The following SPRED1 variants were observed in gnomAD, a reference collection of about 807,000 sequenced individuals.
SPRED1 encodes the protein sprouty related EVH1 domain containing 1, also known as sprouty-related, EVH1 domain-containing protein 1.
SPRED1 carries 18 observed loss-of-function variants against 52.3 expected under a neutral mutation model. The observed-to-expected ratio is 0.34, with a 90% CI of 0.24 to 0.51. The LOEUF (loss-of-function observed/expected upper bound fraction) is 0.51, where lower values mean the gene tolerates loss of function less well. SPRED1 is among the 20% of genes least tolerant of loss of function. SPRED1 has a pLI of 0.97. For missense variants in SPRED1, 485 were observed against 551.0 expected (o/e 0.88, Z 1.20); for synonymous variants, 155 against 179.7 (o/e 0.86, Z 1.10).
chr15:38,320,710 G>A (rs1895584322), intron 2 of SPRED1, among the ~76,000 whole-genome samples: 1 of 152,072 alleles, frequency 6.6e-6, no homozygotes. Context: ...GGTTTCATTT[G>A]AATTATTTTT....
At chr15:38,280,697 TGATA>T (rs1357192605) in intron 1 of SPRED1, among the ~76,000 whole-genome samples, 1 of 152,196 alleles carries the variant, frequency 6.6e-6, no homozygotes, top group Non-Finnish European at 1.5e-5. Context: ...CTGTTTTCTT[TGATA>T]ATCAAAAGCC....
At chr15:38,332,260 A>G (rs1038772675) in intron 4 of SPRED1, among the ~76,000 whole-genome samples, 2 of 152,142 alleles carry the variant, frequency 1.3e-5, no homozygotes, top group Non-Finnish European at 1.5e-5. Flanking sequence ...TATAACTTGA[A>G]CTTTGAATAA....
At chr15:38,293,587 G>C (rs1894969115) in intron 1 of SPRED1, among the ~76,000 whole-genome samples, 1 of 152,106 alleles carries the variant, frequency 6.6e-6, no homozygotes, top group Admixed American at 6.6e-5. Context: ...CCTTCATTAG[G>C]GTTAATGCAG....
intron 5 of SPRED1, among the ~76,000 whole-genome samples, chr15:38,341,396 G>T (rs4924237): frequency 0.82 from 124,789 of 151,428 alleles, 52,185 homozygotes; most frequent in Non-Finnish European, 0.9. Flanking sequence ...GTTTCTTGAT[G>T]TTTTTTTCAG....
intron 1 of SPRED1, among the ~76,000 whole-genome samples, chr15:38,276,233 T>C (rs1916146): frequency 6.6e-5 from 10 of 150,868 alleles, no homozygotes; most frequent in African/African-American, 2.4e-4. Flanking sequence ...TTTTTTACTG[T>C]GGCTCTTTTT....
In SPRED1 at chr15:38,252,918, T is replaced by G; in HGVS notation, c.-268T>G. 2 of 570,274 alleles carry G rather than the reference T, an allele frequency of 3.5e-6. No individual in the cohort carries two copies. Among genetic ancestry groups the G allele is most frequent in the Admixed American group, 6.1e-5 (2 of 32,798 alleles). The allele number at this position is 570,274 out of a possible 1,614,324, so 35.3% of individuals were successfully genotyped here. On this transcript the variant is annotated 5_prime_UTR_variant, in exon 1 of 7. Transcript: ENST00000299084. The stretch of plus-strand genomic sequence containing the variant: ...TCTCTTTTTCCCTTTCCACCGGGCC[T>G]CCTCGGATCCCTTGGCTGGGCACTG...
chr15:38,294,710 T>A (rs1211288018), intron 1 of SPRED1, among the ~76,000 whole-genome samples: 1 of 152,178 alleles, frequency 6.6e-6, no homozygotes, highest in African/African-American at 2.4e-5. Flanking sequence ...CAGCAGGCTG[T>A]TAGAAATGTA....
At chr15:38,334,622 A>G (rs1448765158) in intron 4 of SPRED1, among the ~76,000 whole-genome samples, 1 of 152,000 alleles carries the variant, frequency 6.6e-6, no homozygotes, top group Admixed American at 6.6e-5. Context: ...ACTGTTCTGT[A>G]CCTAGCTTTT....
At chr15:38,273,381 A>C (rs188360109) in intron 1 of SPRED1, among the ~76,000 whole-genome samples, 52 of 152,038 alleles carry the variant, frequency 3.4e-4, no homozygotes, top group African/African-American at 1.2e-3. Context: ...ATTCACTTTG[A>C]AGTTTGTATG....
At chr15:38,338,635 AC>A (rs1895970537) in intron 4 of SPRED1, among the ~76,000 whole-genome samples, 1 of 152,148 alleles carries the variant, frequency 6.6e-6, no homozygotes, top group Non-Finnish European at 1.5e-5. Context: ...TGATACAATA[AC>A]AGCTTTTAGT....
intron 2 of SPRED1, 136 bp downstream of exon 2, chr15:38,299,683 G>GCA: frequency 1.1e-6 from 1 of 913,740 alleles, no homozygotes; most frequent in South Asian, 1.5e-5. Context: ...TGTGTTAAAG[G>GCA]CAGTGAAATA....
intron 5 of SPRED1, among the ~76,000 whole-genome samples, chr15:38,348,235 C>G (rs1375626047): frequency 6.6e-6 from 1 of 151,828 alleles, no homozygotes; most frequent in East Asian, 1.9e-4. Flanking sequence ...CTAGCTTATT[C>G]TGTGTTTACT....
chr15:38,295,763 A>G (rs1895023209), intron 1 of SPRED1, among the ~76,000 whole-genome samples: 1 of 152,224 alleles, frequency 6.6e-6, no homozygotes, highest in Non-Finnish European at 1.5e-5. Flanking sequence ...CATCTGGTTA[A>G]TGTAAGTATT....
chr15:38,259,737 G>A (rs1338904638), intron 1 of SPRED1, among the ~76,000 whole-genome samples: 3 of 152,198 alleles, frequency 2.0e-5, no homozygotes, highest in Non-Finnish European at 4.4e-5. Context: ...TGTAACACTA[G>A]GGGATAACTG....
At chr15:38,278,745 G>A (rs533781430) in intron 1 of SPRED1, among the ~76,000 whole-genome samples, 5 of 128,524 alleles carry the variant, frequency 3.9e-5, no homozygotes, top group South Asian at 5.8e-4. Flanking sequence ...ATAGTTATAC[G>A]GCATTTCTAA....
intron 1 of SPRED1, among the ~76,000 whole-genome samples, chr15:38,263,156 A>T (rs1385047806): frequency 6.6e-6 from 1 of 152,214 alleles, no homozygotes; most frequent in Non-Finnish European, 1.5e-5. Flanking sequence ...TGAAGGAAGG[A>T]GTAGGAAGGT....
chr15:38,304,948 T>G (rs144706850), intron 2 of SPRED1, among the ~76,000 whole-genome samples: 13 of 152,346 alleles, frequency 8.5e-5, no homozygotes, highest in South Asian at 8.3e-4. Context: ...TCATTCATAT[T>G]TCAGTAGACA....
intron 1 of SPRED1, among the ~76,000 whole-genome samples, chr15:38,284,447 T>G (rs1403185344): frequency 3.9e-5 from 6 of 152,184 alleles, no homozygotes; most frequent in African/African-American, 9.6e-5. Flanking sequence ...GATACTAATC[T>G]TTGCCATATA....
chr15:38,306,697 C>G (rs1895256644), intron 2 of SPRED1, among the ~76,000 whole-genome samples: 1 of 152,140 alleles, frequency 6.6e-6, no homozygotes, highest in South Asian at 2.1e-4. Flanking sequence ...TCCCCGGAGC[C>G]TTGTGGGAAC....
Sources: allele counts gnomAD v4.1 joint callset (sites outside exome capture counted in the v4.1 genomes callset), GRCh38; gene constraint gnomAD v4.1.1; transcripts MANE v1.5; gene names NCBI Gene and HGNC (gene_info 2026-07-23, HGNC 2026-07-21).